The following DIAPH2 variants were observed in gnomAD, a reference collection of about 807,000 sequenced individuals.
The protein encoded by DIAPH2 is diaphanous related formin 2.
Under a neutral mutation model 92.7 loss-of-function variants are expected in DIAPH2, and 35 were observed. The observed-to-expected ratio is 0.38, with a 90% CI of 0.29 to 0.50. The LOEUF (loss-of-function observed/expected upper bound fraction) is 0.50, where lower values mean the gene tolerates loss of function less well. DIAPH2 is among the 20% of genes least tolerant of loss of function. The pLI, the probability that DIAPH2 is intolerant of heterozygous loss-of-function variation, is 0.94. For missense variants in DIAPH2, 701 were observed against 819.5 expected (o/e 0.86, Z 1.77); for synonymous variants, 301 against 280.4 (o/e 1.07, Z -0.73).
At chrX:97,555,077 A>G (rs1298641565) in intron 26 of DIAPH2, among the ~76,000 whole-genome samples, 1 of 111,200 alleles carries the variant, frequency 9.0e-6, no homozygotes, top group East Asian at 2.8e-4. Context: ...GATTAAAAAA[A>G]AAAAAAAACA....
chrX:96,972,514 G>T (rs2065934042), intron 17 of DIAPH2, among the ~76,000 whole-genome samples: 1 of 111,273 alleles, frequency 9.0e-6, no homozygotes, highest in Admixed American at 9.6e-5. Context: ...TCTATTATGT[G>T]TGAGGTTCTA....
At chrX:96,809,873 T>C (rs763583577) in intron 4 of DIAPH2, among the ~76,000 whole-genome samples, 10 of 112,383 alleles carry the variant, frequency 8.9e-5, no homozygotes, top group African/African-American at 3.2e-4. Context: ...CTGCATAGTA[T>C]TCCATGGTGT....
At chrX:97,564,568 G>C (rs981074479) in intron 26 of DIAPH2, 1 of 111,716 alleles carries the variant, frequency 9.0e-6, no homozygotes, top group Middle Eastern at 4.6e-3. Context: ...TTTTGTAAGG[G>C]CATTAATCCC....
chrX:96,975,132 T>C (rs752264866), intron 17 of DIAPH2, among the ~76,000 whole-genome samples: 1 of 112,041 alleles, frequency 8.9e-6, no homozygotes, highest in Admixed American at 9.5e-5. Context: ...TTTGCAGTGC[T>C]TGAAATATTG....
chrX:97,552,767 G>C (rs900061017), intron 26 of DIAPH2, among the ~76,000 whole-genome samples: 1 of 111,845 alleles, frequency 8.9e-6, no homozygotes. Flanking sequence ...TGTTGACTTA[G>C]TTATTACTAC....
chrX:96,975,262 T>G (rs763766860), intron 17 of DIAPH2, among the ~76,000 whole-genome samples: 2 of 111,985 alleles, frequency 1.8e-5, no homozygotes, highest in Middle Eastern at 4.6e-3. Flanking sequence ...TGGCTGCTTC[T>G]GAAGACACCC....
chrX:97,461,863 A>G (rs2070461710), intron 26 of DIAPH2, among the ~76,000 whole-genome samples: 1 of 111,706 alleles, frequency 9.0e-6, no homozygotes, highest in South Asian at 3.7e-4. Flanking sequence ...AAATAGCATA[A>G]AAGAGAGTAT....
intron 26 of DIAPH2, among the ~76,000 whole-genome samples, chrX:97,544,397 C>A (rs1279547049): frequency 1.8e-5 from 2 of 111,896 alleles, no homozygotes; most frequent in African/African-American, 6.5e-5. Flanking sequence ...TTGTCATTAC[C>A]ATCAACAAAA....
intron 17 of DIAPH2, among the ~76,000 whole-genome samples, chrX:97,057,246 C>T (rs761649521): frequency 2.7e-5 from 3 of 111,555 alleles, no homozygotes; most frequent in African/African-American, 6.5e-5. Flanking sequence ...GGATTATATA[C>T]GTTTCTTAAG....
Position 97,570,103 on chromosome X carries a change from T to G in DIAPH2, c.3242-29150T>G, listed in dbSNP as rs756715698. Among the ~76,000 whole-genome samples the G allele has an allele frequency of 6.4e-3, 204 of 31,839 alleles. 4 individuals are homozygous for G. The highest frequency in any genetic ancestry group is 0.018 in the East Asian group (12 of 682). 27.6% of individuals were successfully genotyped at this position (31,839 alleles called of 115,157 possible). A position where few individuals can be genotyped will look rare whatever the true frequency, so the allele number is the denominator to read the frequency against. On this transcript the variant is annotated intron_variant, in intron 26 of 26. Coordinates refer to ENST00000324765, the MANE Select transcript of DIAPH2 (RefSeq NM_006729.5). ...ATATATATATATATATATATATATA[T>G]ATATATATATATATATATATTAGAA...
At chrX:97,406,308 A>G (rs2069809567) in intron 25 of DIAPH2, among the ~76,000 whole-genome samples, 1 of 111,668 alleles carries the variant, frequency 9.0e-6, no homozygotes. Flanking sequence ...TCTGAGGTGG[A>G]AGTGACATCT....
chrX:97,345,340 A>G (rs1038293531), intron 23 of DIAPH2, among the ~76,000 whole-genome samples: 1 of 111,689 alleles, frequency 9.0e-6, no homozygotes, highest in Non-Finnish European at 1.9e-5. Context: ...ATAAAAAAAG[A>G]ACATAGGAAG....
At chrX:97,067,639 C>T (rs181272739) in intron 17 of DIAPH2, among the ~76,000 whole-genome samples, 61 of 111,736 alleles carry the variant, frequency 5.5e-4, no homozygotes, top group African/African-American at 1.8e-3. Flanking sequence ...TACATATATA[C>T]TCATCCATCA....
At position 96,930,738 on chromosome X, in the gene DIAPH2, C is replaced by T; in HGVS notation, c.984C>T (p.Ala328=). 8.4e-7 allele frequency: 1 copy of T among 1,194,997 alleles called. No homozygotes were observed. The highest frequency in any genetic ancestry group is 1.8e-5 in the African/African-American group (1 of 56,887). ...ENQEALQLQV[A]CMQFINALVT... ...AATTTGCTTTCTAATTGCAGGTGGCCTGCATGCAGTTTATAAATGCCCTTG... is the reference window on the plus strand; with the variant it reads ...AATTTGCTTTCTAATTGCAGGTGGCTTGCATGCAGTTTATAAATGCCCTTG... The change falls in exon 10 of 27, where the codon GCC becomes GCT. Residue 328 remains alanine (A), a synonymous_variant. Coordinates refer to ENST00000324765, the MANE Select transcript of DIAPH2 (RefSeq NM_006729.5).
chrX:97,348,451 G>C (rs1472252560), intron 24 of DIAPH2, among the ~76,000 whole-genome samples, 171 bp downstream of exon 24: 1 of 111,605 alleles, frequency 9.0e-6, no homozygotes, highest in Non-Finnish European at 1.9e-5. Context: ...TAAGTTATAA[G>C]TCATGGCTGG....
In DIAPH2 at chrX:97,558,924, T is replaced by C. The variant is rs767828134; in HGVS notation, c.3242-40329T>C. On this transcript the variant is annotated intron_variant, in intron 26 of 26. Transcript: ENST00000324765. ...GTTCAACTATTTTTCAACTTTACAA[T>C]GGTGTGAAAGCACTATGCATTCAAG... Among the ~76,000 whole-genome samples, 7 of 111,704 alleles carry C rather than the reference T, an allele frequency of 6.3e-5. No homozygotes were observed. The East Asian group carries it at 2.0e-3, about 32-fold the overall frequency.
intron 26 of DIAPH2, among the ~76,000 whole-genome samples, chrX:97,476,163 T>C (rs921123091): frequency 7.1e-5 from 8 of 112,169 alleles, no homozygotes; most frequent in Non-Finnish European, 1.3e-4. Context: ...AACATAAAGA[T>C]TGGAAAAGTA....
chrX:96,936,648 G>C (rs2065659769), intron 10 of DIAPH2, among the ~76,000 whole-genome samples: 1 of 111,755 alleles, frequency 8.9e-6, no homozygotes, highest in African/African-American at 3.2e-5. Context: ...GGTATTTTGT[G>C]ATTTAGCTAA....
intron 17 of DIAPH2, among the ~76,000 whole-genome samples, chrX:96,978,009 T>C (rs1044102995): frequency 4.5e-5 from 5 of 112,213 alleles, no homozygotes; most frequent in Admixed American, 3.8e-4. Context: ...TATTGGCAAA[T>C]AGAAATTATT....
Sources: allele counts gnomAD v4.1 joint callset (sites outside exome capture counted in the v4.1 genomes callset), GRCh38; gene constraint gnomAD v4.1.1; transcripts MANE v1.5; gene names NCBI Gene and HGNC (gene_info 2026-07-23, HGNC 2026-07-21).